The following MCMDC2 variants were observed in gnomAD, a reference collection of about 807,000 sequenced individuals.
The protein encoded by MCMDC2 is minichromosome maintenance domain-containing protein 2.
MCMDC2 carries 54 observed loss-of-function variants against 75.8 expected under a neutral mutation model. That is an observed-to-expected ratio of 0.71 (90% CI 0.57 to 0.89). The LOEUF (loss-of-function observed/expected upper bound fraction) is 0.89, where lower values mean the gene tolerates loss of function less well. Ranked by LOEUF, MCMDC2 falls within the 40% of genes least tolerant of loss-of-function variation. MCMDC2 has a pLI of 0.00. For synonymous variants in MCMDC2, 249 were observed against 274.6 expected, an observed-to-expected ratio of 0.91 and a Z score of 0.92; for missense variants, 656 against 780.4, an observed-to-expected ratio of 0.84 and a Z score of 1.90.
rs1259134387 is a variant in MCMDC2 at position 66,919,304 on chromosome 8, A to AAAAT, written c.*137_*140dup. The AAAAT allele has an allele frequency of 4.6e-6, 3 of 645,544 alleles. No individual in the cohort carries two copies. The East Asian group carries it at 9.6e-5, about 21-fold the overall frequency. 40.0% of individuals were successfully genotyped at this position (645,544 alleles called of 1,614,324 possible). A position where few individuals can be genotyped will look rare whatever the true frequency, so the allele number is the denominator to read the frequency against. Reference sequence around the variant, plus strand: ...ATTACAATACTGTTTTTAAAAATATAAAATATAGTCCCCTCAAAACTAATT... The same window carrying AAAAT: ...ATTACAATACTGTTTTTAAAAATATAAAATAAATATAGTCCCCTCAAAACTAATT... On this transcript the variant is annotated 3_prime_UTR_variant, in exon 15 of 15. Coordinates refer to ENST00000422365, the MANE Select transcript of MCMDC2 (RefSeq NM_173518.5).
At chr8:66,907,111 A>G (rs1563387980) in intron 14 of MCMDC2, among the ~76,000 whole-genome samples, 1 of 151,942 alleles carries the variant, frequency 6.6e-6, no homozygotes. Flanking sequence ...TGTGCAGAAC[A>G]TGCAGGTTTG....
At chr8:66,890,737 T>A (rs1472893337) in intron 9 of MCMDC2, 128 bp from the exon 10 acceptor site, 2 of 810,390 alleles carry the variant, frequency 2.5e-6, no homozygotes, top group Non-Finnish European at 3.8e-6. Flanking sequence ...GTCATATATA[T>A]TTTTATCCCT....
At chr8:66,878,494 TA>T in intron 5 of MCMDC2, 79 bp from the exon 6 acceptor site, 1 of 1,365,150 alleles carries the variant, frequency 7.3e-7, no homozygotes, top group Non-Finnish European at 9.9e-7. Flanking sequence ...AATTAAAAAT[TA>T]AAAAATGACA....
chr8:66,898,314 T>C (rs1213254958), intron 12 of MCMDC2, among the ~76,000 whole-genome samples: 1 of 152,168 alleles, frequency 6.6e-6, no homozygotes, highest in African/African-American at 2.4e-5. Context: ...CTTTAGTTTA[T>C]CATTTAATTG....
At chr8:66,905,471 G>A (rs1022444518) in intron 14 of MCMDC2, 136 bp downstream of exon 14, 7 of 809,336 alleles carry the variant, frequency 8.6e-6, no homozygotes, top group African/African-American at 5.4e-5. Flanking sequence ...ACCAGGTAAG[G>A]CCTGTTTTAA....
At chr8:66,874,629 C>G (rs765478287) in intron 4 of MCMDC2, 43 bp downstream of exon 4, 13 of 1,495,794 alleles carry the variant, frequency 8.7e-6, no homozygotes, top group Non-Finnish European at 1.2e-5. Flanking sequence ...TACAGATTTA[C>G]ATGATGACTT....
chr8:66,872,898 A>C (rs540118732), intron 1 of MCMDC2, among the ~76,000 whole-genome samples: 4 of 139,268 alleles, frequency 2.9e-5, no homozygotes, highest in Non-Finnish European at 6.1e-5. Context: ...TGGAGACTGG[A>C]GTGAGCCAAG....
At chr8:66,918,961 A>C in intron 14 of MCMDC2, 42 bp from the exon 15 acceptor site, 1 of 1,361,756 alleles carries the variant, frequency 7.3e-7, no homozygotes. Context: ...TGTCATTTTA[A>C]GGAGTATTTG....
chr8:66,879,801 G>T (rs1338894024), intron 7 of MCMDC2, among the ~76,000 whole-genome samples: 1 of 152,216 alleles, frequency 6.6e-6, no homozygotes, highest in South Asian at 2.1e-4. Flanking sequence ...AAGTCCCAGG[G>T]TCACAGTTAT....
intron 9 of MCMDC2, among the ~76,000 whole-genome samples, chr8:66,886,683 G>A (rs891252771): frequency 2.0e-5 from 3 of 151,924 alleles, no homozygotes; most frequent in Non-Finnish European, 4.4e-5. Context: ...GCTGAGGCAC[G>A]AGAACTGCTT....
chr8:66,911,198 A>C (rs1813107074), intron 14 of MCMDC2, among the ~76,000 whole-genome samples: 1 of 152,194 alleles, frequency 6.6e-6, no homozygotes, highest in African/African-American at 2.4e-5. Flanking sequence ...TAATCCCTAC[A>C]TGTCAAGGGA....
intron 5 of MCMDC2, among the ~76,000 whole-genome samples, chr8:66,877,791 G>A (rs1811363976): frequency 6.6e-6 from 1 of 151,448 alleles, no homozygotes; most frequent in African/African-American, 2.4e-5. Flanking sequence ...CTTGGGCCAG[G>A]GAGGTCGGGG....
chr8:66,873,252 G>A (rs554721111), intron 1 of MCMDC2, among the ~76,000 whole-genome samples: 40 of 152,186 alleles, frequency 2.6e-4, no homozygotes, highest in African/African-American at 9.2e-4. Context: ...AAATTGGAAG[G>A]GGCTTTAATC....
intron 10 of MCMDC2, 83 bp from the exon 11 acceptor site, chr8:66,896,087 A>G (rs761123571): frequency 2.4e-5 from 29 of 1,197,060 alleles, no homozygotes; most frequent in Non-Finnish European, 3.2e-5. Flanking sequence ...CAGTATAATT[A>G]TATATAATAA....
At chr8:66,894,374 T>A (rs73693633) in intron 10 of MCMDC2, among the ~76,000 whole-genome samples, 2,788 of 152,354 alleles carry the variant, frequency 0.018, 88 homozygotes, top group African/African-American at 0.062. Context: ...GCCAACCACT[T>A]ACACTGAAAA....
At chr8:66,897,579 T>C (rs368262781) in intron 12 of MCMDC2, among the ~76,000 whole-genome samples, 1 of 152,164 alleles carries the variant, frequency 6.6e-6, no homozygotes, top group African/African-American at 2.4e-5. Context: ...AAAACCAACA[T>C]AGAATTTTTC....
intron 12 of MCMDC2, among the ~76,000 whole-genome samples, chr8:66,899,379 T>C (rs947772766): frequency 7.2e-5 from 11 of 152,186 alleles, no homozygotes; most frequent in East Asian, 1.9e-4. Context: ...GAGAGGGTTA[T>C]TGATGCTATT....
At chr8:66,893,703 G>C (rs1004595349) in intron 10 of MCMDC2, among the ~76,000 whole-genome samples, 9 of 152,224 alleles carry the variant, frequency 5.9e-5, no homozygotes, top group Non-Finnish European at 1.0e-4. Flanking sequence ...GGTGGGGACA[G>C]AGCCAACCCA....
rs1388872547 is a variant in MCMDC2, at chr8:66,920,077, T to C, written c.*908T>C. ...CACTTTATTAACCAAGATGTTACCA[T>C]GCATCAATTCTTTCAAAACTGGTCC... On this transcript the variant is annotated 3_prime_UTR_variant, in exon 15 of 15. Coordinates refer to ENST00000422365, the MANE Select transcript of MCMDC2 (RefSeq NM_173518.5). 2.0e-5 allele frequency: 3 copies of C among 152,224 alleles called. No homozygotes were observed. The highest frequency in any genetic ancestry group is 2.0e-4 in the Admixed American group (3 of 15,272). The allele number at this position is 152,224 out of a possible 1,614,324, so 9.4% of individuals were successfully genotyped here.
Sources: gnomAD v4.1 joint callset for allele counts (sites outside exome capture counted in the v4.1 genomes callset) on GRCh38, gnomAD v4.1.1 for gene constraint, MANE v1.5 for transcripts, NCBI Gene and HGNC (gene_info 2026-07-23, HGNC 2026-07-21) for gene names.